Variants in GULP1 observed in about 807,000 individuals in gnomAD.
GULP1 encodes PTB domain-containing engulfment adapter protein 1.
GULP1 carries 19 observed loss-of-function variants against 40.9 expected under a neutral mutation model. That is an observed-to-expected ratio of 0.46 (90% CI 0.32 to 0.68). GULP1 has a LOEUF of 0.68. Ranked by LOEUF, GULP1 falls within the 30% of genes least tolerant of loss-of-function variation. GULP1 has a pLI of 0.03. For synonymous variants in GULP1, 119 were observed against 117.6 expected (o/e 1.01, Z -0.08); for missense variants, 312 against 362.2 (o/e 0.86, Z 1.12).
intron 4 of GULP1, among the ~76,000 whole-genome samples, chr2:188,517,613 C>T (rs145182696): frequency 1.9e-4 from 29 of 152,264 alleles, no homozygotes; most frequent in Non-Finnish European, 3.1e-4. Flanking sequence ...AGCCAACTGG[C>T]GGTTCTGTGG....
At chr2:188,503,738 C>T (rs1476613633) in intron 4 of GULP1, among the ~76,000 whole-genome samples, 1 of 151,858 alleles carries the variant, frequency 6.6e-6, no homozygotes, top group Non-Finnish European at 1.5e-5. Context: ...GACATGACTT[C>T]CATGGACTTT....
At chr2:188,397,375 A>G (rs1327840158) in intron 2 of GULP1, among the ~76,000 whole-genome samples, 1 of 152,210 alleles carries the variant, frequency 6.6e-6, no homozygotes, top group Non-Finnish European at 1.5e-5. Flanking sequence ...CCTTAACACC[A>G]TGTACATTTC....
intron 9 of GULP1, among the ~76,000 whole-genome samples, chr2:188,571,942 C>T (rs1359942938): frequency 6.6e-6 from 1 of 152,186 alleles, no homozygotes; most frequent in Non-Finnish European, 1.5e-5. Context: ...CAAACCTGGT[C>T]ATTGTGTAAC....
chr2:188,573,577 G>C (rs1699561308), intron 9 of GULP1, among the ~76,000 whole-genome samples: 1 of 152,150 alleles, frequency 6.6e-6, no homozygotes. Context: ...ACCTCACAGA[G>C]TGCCCCCATG....
At chr2:188,306,306 A>G (rs1284434876) in intron 1 of GULP1, among the ~76,000 whole-genome samples, 2 of 152,166 alleles carry the variant, frequency 1.3e-5, no homozygotes, top group African/African-American at 2.4e-5. Flanking sequence ...TAAATAGTTT[A>G]TTTTCCTTTT....
intron 1 of GULP1, among the ~76,000 whole-genome samples, chr2:188,365,488 C>A (rs946491452): frequency 1.3e-5 from 2 of 152,074 alleles, no homozygotes; most frequent in Admixed American, 1.3e-4. Flanking sequence ...GTGAAATATA[C>A]CTGGTTGTCA....
chr2:188,485,629 A>G (rs2061799090), intron 4 of GULP1, among the ~76,000 whole-genome samples: 1 of 151,996 alleles, frequency 6.6e-6, no homozygotes. Flanking sequence ...TACAGACTCT[A>G]GAGCTAGATT....
intron 6 of GULP1, among the ~76,000 whole-genome samples, chr2:188,530,268 G>A (rs1023487479): frequency 5.9e-5 from 9 of 152,106 alleles, no homozygotes; most frequent in Non-Finnish European, 1.0e-4. Context: ...TGAGGTGCTG[G>A]GGATTAGAGC....
intron 2 of GULP1, among the ~76,000 whole-genome samples, chr2:188,405,754 C>A (rs1329541807): frequency 6.6e-6 from 1 of 152,198 alleles, no homozygotes; most frequent in Admixed American, 6.5e-5. Context: ...AGCAAGCCTG[C>A]CTGTGGACCA....
At chr2:188,471,533 C>G (rs553368874) in intron 2 of GULP1, among the ~76,000 whole-genome samples, 2 of 151,772 alleles carry the variant, frequency 1.3e-5, no homozygotes, top group South Asian at 2.1e-4. Flanking sequence ...TTGTGTATCC[C>G]TTGTATGTTT....
At chr2:188,578,963 G>A (rs975531070) in intron 9 of GULP1, among the ~76,000 whole-genome samples, 1 of 152,094 alleles carries the variant, frequency 6.6e-6, no homozygotes, top group South Asian at 2.1e-4. Context: ...ACCTAAGTGC[G>A]AAATTGTCAC....
chr2:188,522,566 G>A (rs1376773712), intron 4 of GULP1, among the ~76,000 whole-genome samples, 190 bp from the exon 5 acceptor site: 5 of 151,502 alleles, frequency 3.3e-5, no homozygotes, highest in Admixed American at 3.3e-4. Context: ...TGATTAACAG[G>A]AAGTATAAAT....
intron 2 of GULP1, among the ~76,000 whole-genome samples, chr2:188,389,423 TTTCA>T (rs2050218338): frequency 6.6e-6 from 1 of 152,172 alleles, no homozygotes; most frequent in South Asian, 2.1e-4. Flanking sequence ...AAAGACCTGA[TTTCA>T]TTCATTACCA....
intron 2 of GULP1, among the ~76,000 whole-genome samples, chr2:188,427,381 G>A (rs1043248924): frequency 2.6e-5 from 4 of 152,178 alleles, no homozygotes; most frequent in Non-Finnish European, 5.9e-5. Flanking sequence ...TATTAGCCAA[G>A]ACAATGGGAA....
intron 1 of GULP1, among the ~76,000 whole-genome samples, chr2:188,370,567 G>A (rs1300181270): frequency 1.3e-5 from 2 of 152,104 alleles, no homozygotes; most frequent in Non-Finnish European, 2.9e-5. Context: ...ATCCATAGAT[G>A]AGACTTAAAA....
intron 2 of GULP1, among the ~76,000 whole-genome samples, chr2:188,395,338 G>A (rs2051094969): frequency 6.6e-6 from 1 of 152,184 alleles, no homozygotes; most frequent in Admixed American, 6.5e-5. Context: ...GTGCAAGCAC[G>A]AACCTGGCGT....
At chr2:188,508,292 T>G (rs1245389485) in intron 4 of GULP1, among the ~76,000 whole-genome samples, 13 of 152,056 alleles carry the variant, frequency 8.5e-5, no homozygotes, top group Non-Finnish European at 1.0e-4. Flanking sequence ...AGTCAAATTA[T>G]CTTTAAAAAA....
intron 7 of GULP1, among the ~76,000 whole-genome samples, chr2:188,544,688 C>A (rs1415425752): frequency 1.3e-5 from 2 of 151,730 alleles, no homozygotes; most frequent in Non-Finnish European, 2.9e-5. Context: ...CCAATCTGAA[C>A]AAGACAAAGA....
chr2:188,569,262 T>C lies in GULP1; in HGVS notation c.423T>C (p.Ile141=). The change falls in exon 8 of 12, where the codon ATT becomes ATC. Residue 141 remains isoleucine (I), a synonymous_variant. Transcript: ENST00000409830. ...EKCAEEITLT[I]GQAFDLAYRK... is the part of the protein sequence containing the mutation. ...AGGCTGAAGAGATCACTTTAACAATTGGCCAAGCATTTGACCTGGCATACA... is the reference window on the plus strand; with the variant it reads ...AGGCTGAAGAGATCACTTTAACAATCGGCCAAGCATTTGACCTGGCATACA... 1 of 1,576,206 alleles carries C rather than the reference T, an allele frequency of 6.3e-7. No individual in the cohort carries two copies. The highest frequency in any genetic ancestry group is 2.2e-5 in the East Asian group (1 of 44,634).
Sources: gnomAD v4.1 joint callset for allele counts (sites outside exome capture counted in the v4.1 genomes callset) on GRCh38, gnomAD v4.1.1 for gene constraint, MANE v1.5 for transcripts, NCBI Gene and HGNC (gene_info 2026-07-23, HGNC 2026-07-21) for gene names.